Variants in OR52N2 observed in about 807,000 individuals in gnomAD.
OR52N2 encodes olfactory receptor 52N2.
For synonymous variants in OR52N2, 129 were observed against 72.0 expected (o/e 1.79, Z -4.01); for missense variants, 326 against 196.6 (o/e 1.66, Z -3.94).
chr11:5,817,191 G>C (rs545947658), intron 1 of OR52N2, among the ~76,000 whole-genome samples: 1 of 152,252 alleles, frequency 6.6e-6, no homozygotes, highest in African/African-American at 2.4e-5. Flanking sequence ...AGTGGATTAA[G>C]GTGAAATGTG....
At chr11:5,812,212 G>C (rs1846367263) in intron 1 of OR52N2, among the ~76,000 whole-genome samples, 1 of 151,862 alleles carries the variant, frequency 6.6e-6, no homozygotes, top group African/African-American at 2.4e-5. Flanking sequence ...GAAATGAGGA[G>C]GGTCGGGCAA....
Position 5,820,288 on chromosome 11 carries a change from A to G in OR52N2, c.-48A>G, listed in dbSNP as rs559931754. On this transcript the variant is annotated 5_prime_UTR_variant, in exon 2 of 2. Coordinates refer to ENST00000317037, the MANE Select transcript of OR52N2 (RefSeq NM_001005174.3). ...CTCCCTCTCCCTCTCCTAGGCAGAA[A>G]GCAATGGCTGCTAAAGAGTATAAAA... The G allele has an allele frequency of 2.6e-6, 2 of 762,962 alleles. No homozygotes were observed. The highest frequency in any genetic ancestry group is 2.8e-5 in the South Asian group (2 of 71,308). 47.3% of individuals were successfully genotyped at this position (762,962 alleles called of 1,614,324 possible). A position where few individuals can be genotyped will look rare whatever the true frequency, so the allele number is the denominator to read the frequency against.
rs146871183 is a variant in OR52N2 at position 5,820,860 on chromosome 11, C to T, written c.525C>T (p.Phe175=). ...GCCTGCCCTATTGCCGGGGGAACTT[C>T]ATCCCCCACACCTACTGTGACCATA... is the stretch of plus-strand genomic sequence containing the variant. ...TKRLPYCRGN[F]IPHTYCDHMS... The change falls in exon 2 of 2, where the codon TTC becomes TTT. Residue 175 remains phenylalanine, a synonymous_variant. Transcript: ENST00000317037. 1.3e-6 allele frequency: 1 copy of T among 780,948 alleles called. No homozygotes were observed. Among genetic ancestry groups the T allele is most frequent in the Non-Finnish European group, 2.4e-6 (1 of 418,090 alleles). The allele number at this position is 780,948 out of a possible 1,614,324, so 48.4% of individuals were successfully genotyped here.
intron 1 of OR52N2, among the ~76,000 whole-genome samples, chr11:5,816,774 C>G (rs937645872): frequency 1.3e-5 from 2 of 152,062 alleles, no homozygotes; most frequent in Admixed American, 6.6e-5. Context: ...CTTGGGCCCC[C>G]CAAAGTGCTG....
Position 5,821,202 on chromosome 11 carries a change from C to T in OR52N2, c.867C>T (p.Thr289=), listed in dbSNP as rs979260995. The T allele has an allele frequency of 5.1e-6, 4 of 781,008 alleles. No homozygotes were observed. The Admixed American group carries it at 6.8e-5, about 13-fold the overall frequency. The allele number at this position is 781,008 out of a possible 1,614,324, so 48.4% of individuals were successfully genotyped here. A position where few individuals can be genotyped will look rare whatever the true frequency, so the allele number is the denominator to read the frequency against. ...VANLYLLLPP[T]MNPIVYGVKT... ...ACCTTTATCTGCTACTGCCTCCTAC[C>T]ATGAACCCAATTGTTTATGGAGTCA... is the stretch of plus-strand genomic sequence containing the variant. The change falls in exon 2 of 2, where the codon ACC becomes ACT. Residue 289 remains threonine (T), a synonymous_variant. Transcript: ENST00000317037.
At chr11:5,815,399 A>G (rs2134241936) in intron 1 of OR52N2, among the ~76,000 whole-genome samples, 1 of 152,264 alleles carries the variant, frequency 6.6e-6, no homozygotes, top group East Asian at 1.9e-4. Context: ...AAACAGCTTA[A>G]TAAGAAATGG....
intron 1 of OR52N2, among the ~76,000 whole-genome samples, chr11:5,819,748 G>C (rs77667795): frequency 4.6e-5 from 7 of 151,972 alleles, no homozygotes; most frequent in Non-Finnish European, 1.0e-4. Flanking sequence ...AAGTTATGTG[G>C]GACATTACTG....
chr11:5,821,478 T>C lies in OR52N2; in HGVS notation c.*177T>C, dbSNP rs1590369449. On this transcript the variant is annotated 3_prime_UTR_variant, in exon 2 of 2. Transcript: ENST00000317037. ...AAATCAAAATAAAGACATAAATTTG[T>C]AAGTCACCATAATATGTCAATTTTC... The C allele has an allele frequency of 1.8e-6, 1 of 562,380 alleles. No individual in the cohort carries two copies. Among genetic ancestry groups the C allele is most frequent in the Non-Finnish European group, 3.1e-6 (1 of 318,662 alleles). 34.8% of individuals were successfully genotyped at this position (562,380 alleles called of 1,614,324 possible).
At chr11:5,815,527 A>G (rs1748505816) in intron 1 of OR52N2, among the ~76,000 whole-genome samples, 1 of 152,096 alleles carries the variant, frequency 6.6e-6, no homozygotes, top group Admixed American at 6.6e-5. Context: ...ACAATAAAAA[A>G]CCACCTTACA....
At position 5,820,423 on chromosome 11, in the gene OR52N2, T is replaced by G. The variant is rs1846437695; in HGVS notation, c.88T>G (p.Ser30Ala). ...PGLEATHIWI[S>A]LPFCFMYIIA... Reference sequence around the variant, plus strand: ...GCTGGAAGCCACACACATCTGGATCTCCCTGCCATTCTGCTTTATGTACAT... The same window carrying G: ...GCTGGAAGCCACACACATCTGGATCGCCCTGCCATTCTGCTTTATGTACAT... Residue 30 changes from serine to alanine, a missense_variant, in exon 2 of 2, where the codon TCC becomes GCC. Physicochemically the swap from Ser to Ala is moderately conservative, Grantham distance 99. Transcript: ENST00000317037. 1.3e-6 allele frequency: 1 copy of G among 780,722 alleles called. No homozygotes were observed. Among genetic ancestry groups the G allele is most frequent in the Admixed American group, 1.7e-5 (1 of 58,990 alleles). 48.4% of individuals were successfully genotyped at this position (780,722 alleles called of 1,614,324 possible).
At chr11:5,810,040 T>C (rs1161513401) in intron 1 of OR52N2, among the ~76,000 whole-genome samples, 1 of 152,258 alleles carries the variant, frequency 6.6e-6, no homozygotes, top group Non-Finnish European at 1.5e-5. Context: ...AACATTCTTC[T>C]TGTCATAACT....
intron 1 of OR52N2, among the ~76,000 whole-genome samples, chr11:5,815,438 A>C (rs1351140201): frequency 6.6e-6 from 1 of 152,156 alleles, no homozygotes; most frequent in African/African-American, 2.4e-5. Flanking sequence ...CATTTCTCCA[A>C]AGAAGATATA....
intron 1 of OR52N2, among the ~76,000 whole-genome samples, chr11:5,818,096 C>T (rs10769249): frequency 0.81 from 122,647 of 152,020 alleles, 49,808 homozygotes; most frequent in Non-Finnish European, 0.86. Flanking sequence ...TTGAATTAAG[C>T]ACAGAAAACT....
intron 1 of OR52N2, among the ~76,000 whole-genome samples, chr11:5,809,424 G>A (rs1846334286): frequency 6.6e-6 from 1 of 152,156 alleles, no homozygotes; most frequent in Non-Finnish European, 1.5e-5. Flanking sequence ...GGAACACGGG[G>A]TACAGTGGTG....
At chr11:5,812,417 C>A (rs1321457589) in intron 1 of OR52N2, among the ~76,000 whole-genome samples, 1 of 149,750 alleles carries the variant, frequency 6.7e-6, no homozygotes, top group Non-Finnish European at 1.5e-5. Flanking sequence ...ATGGCGTGAA[C>A]CCAGGAGGCG....
At chr11:5,816,584 G>T (rs773914139) in intron 1 of OR52N2, among the ~76,000 whole-genome samples, 4 of 150,912 alleles carry the variant, frequency 2.7e-5, no homozygotes, top group Non-Finnish European at 4.4e-5. Flanking sequence ...CTGTCACCCA[G>T]GCTGGAGTGC....
intron 1 of OR52N2, among the ~76,000 whole-genome samples, chr11:5,816,776 A>G (rs1846408190): frequency 6.6e-6 from 1 of 152,098 alleles, no homozygotes; most frequent in Non-Finnish European, 1.5e-5. Flanking sequence ...TGGGCCCCCC[A>G]AAGTGCTGGG....
At chr11:5,814,140 A>G (rs1176432402) in intron 1 of OR52N2, among the ~76,000 whole-genome samples, 1 of 152,176 alleles carries the variant, frequency 6.6e-6, no homozygotes, top group Non-Finnish European at 1.5e-5. Flanking sequence ...TCAACATAGT[A>G]CTGAAAGTCC....
At chr11:5,813,969 T>C (rs1168687305) in intron 1 of OR52N2, among the ~76,000 whole-genome samples, 1 of 152,158 alleles carries the variant, frequency 6.6e-6, no homozygotes, top group Non-Finnish European at 1.5e-5. Flanking sequence ...CAATTCAACC[T>C]CCTTTCATGA....
Sources: gnomAD v4.1 joint callset for allele counts (sites outside exome capture counted in the v4.1 genomes callset) on GRCh38, gnomAD v4.1.1 for gene constraint, MANE v1.5 for transcripts, NCBI Gene and HGNC (gene_info 2026-07-23, HGNC 2026-07-21) for gene names.